The following TIMELESS variants were observed in gnomAD, a reference collection of about 807,000 sequenced individuals.
The protein encoded by TIMELESS is timeless circadian regulator.
Under a neutral mutation model 164.3 loss-of-function variants are expected in TIMELESS, and 124 were observed. The observed-to-expected ratio is 0.75, with a 90% CI of 0.65 to 0.88. The LOEUF is 0.88. Among genes scored for constraint, TIMELESS ranks in the 40% least tolerant of loss-of-function variants. The probability of loss-of-function intolerance (pLI) is 0.00; values close to 1 mark genes in which losing one functional copy is unlikely to be tolerated. For missense variants in TIMELESS, 1,422 were observed against 1,491.4 expected (o/e 0.95, Z 0.77); for synonymous variants, 564 against 563.4 (o/e 1.00, Z -0.02).
At chr12:56,441,109 C>T (rs985020426) in intron 1 of TIMELESS, among the ~76,000 whole-genome samples, 11 of 152,174 alleles carry the variant, frequency 7.2e-5, no homozygotes, top group Admixed American at 6.5e-5. Flanking sequence ...TGAGCCACTG[C>T]ACCCAGCCAA....
intron 9 of TIMELESS, 116 bp from the exon 10 acceptor site, chr12:56,430,397 G>C (rs1881837269): frequency 8.1e-7 from 1 of 1,232,624 alleles, no homozygotes. Context: ...ACAAGAACTT[G>C]CTCTGTCACC....
chr12:56,448,767 T>C (rs958341305), intron 1 of TIMELESS, among the ~76,000 whole-genome samples: 1 of 151,928 alleles, frequency 6.6e-6, no homozygotes, highest in African/African-American at 2.4e-5. Context: ...AAAGTACTAG[T>C]CGAAGCACGA....
chr12:56,439,167 CAAAAAAAAAA>C (rs57127557), intron 1 of TIMELESS, among the ~76,000 whole-genome samples: 2 of 85,630 alleles, frequency 2.3e-5, no homozygotes, highest in Non-Finnish European at 2.2e-5. Context: ...AACTCCTTCT[CAAAAAAAAAA>C]AAAAAAAAAA....
intron 12 of TIMELESS, 47 bp downstream of exon 12, chr12:56,428,502 T>C (rs1452917735): frequency 4.3e-6 from 7 of 1,610,282 alleles, no homozygotes; most frequent in African/African-American, 1.3e-5. Flanking sequence ...GAGATTCTCA[T>C]CACGAGATGG....
At chr12:56,418,109 C>A in intron 27 of TIMELESS, 25 bp downstream of exon 27, 3 of 1,613,600 alleles carry the variant, frequency 1.9e-6, no homozygotes, top group Non-Finnish European at 2.5e-6. Flanking sequence ...CGTTAATACT[C>A]AGAAGATGGC....
chr12:56,431,631 C>T (rs1204648644), intron 7 of TIMELESS, 27 bp from the exon 8 acceptor site: 3 of 1,602,700 alleles, frequency 1.9e-6, no homozygotes, highest in Non-Finnish European at 2.6e-6. Context: ...AGGGAAGAAT[C>T]AGGAGGACAG....
chr12:56,424,926 A>G lies in TIMELESS; in HGVS notation c.1717-13T>C, dbSNP rs1247089357. The G allele has an allele frequency of 6.2e-7, 1 of 1,614,214 alleles. No homozygotes were observed. Among genetic ancestry groups the G allele is most frequent in the South Asian group, 1.1e-5 (1 of 91,088 alleles). On this transcript the variant is annotated splice_polypyrimidine_tract_variant and intron_variant, in intron 14 of 28. Coordinates refer to ENST00000553532, the MANE Select transcript of TIMELESS (RefSeq NM_003920.5). The stretch of plus-strand genomic sequence containing the variant: ...TGAGCTCAGAATTCTAGAGATGGAT[A>G]AAGCTATGGGAGCGGAGGGAGTGGA...
rs142429793 is a variant in TIMELESS, at chr12:56,430,957, A to G, written c.833T>C (p.Phe278Ser). The G allele has an allele frequency of 3.8e-5, 60 of 1,580,666 alleles. No individual in the cohort carries two copies. Among genetic ancestry groups the G allele is most frequent in the African/African-American group, 6.9e-5 (5 of 72,378 alleles). ...ALQRGNRHSR[F>S]GGSYIVQGLK... Reference sequence around the variant, plus strand: ...CCCCTGGACAATATAGGAGCCCCCAAATCGAGAATGCCTGCAGAAACAAAA... The same window carrying G: ...CCCCTGGACAATATAGGAGCCCCCAGATCGAGAATGCCTGCAGAAACAAAA... The change falls in exon 9 of 29, where the codon TTT (phenylalanine) becomes TCT (serine). Residue 278 changes from phenylalanine (F) to serine (S), a missense_variant. Transcript: ENST00000553532.
At chr12:56,426,346 T>TAC (rs1468060332) in intron 13 of TIMELESS, among the ~76,000 whole-genome samples, 4 of 151,966 alleles carry the variant, frequency 2.6e-5, no homozygotes, top group Non-Finnish European at 5.9e-5. Flanking sequence ...AATTTTAAGC[T>TAC]GTAGCAACTA....
chr12:56,446,941 T>C (rs1868360633), intron 1 of TIMELESS, among the ~76,000 whole-genome samples: 1 of 152,062 alleles, frequency 6.6e-6, no homozygotes, highest in Admixed American at 6.6e-5. Context: ...ATTCATGTTG[T>C]ATATAATAGT....
At chr12:56,430,001 G>A (rs1035966097) in intron 10 of TIMELESS, 104 bp downstream of exon 10, 3 of 1,154,428 alleles carry the variant, frequency 2.6e-6, no homozygotes, top group Admixed American at 2.7e-5. Context: ...CACATTCCAG[G>A]GGCAGCCTCC....
At chr12:56,433,976 T>G in intron 2 of TIMELESS, 50 bp from the exon 3 acceptor site, 15 of 1,612,640 alleles carry the variant, frequency 9.3e-6, no homozygotes, top group Non-Finnish European at 1.3e-5. Flanking sequence ...AGAAGCTCCA[T>G]CCAGACCCAC....
intron 8 of TIMELESS, 102 bp downstream of exon 8, chr12:56,431,369 A>C (rs902993755): frequency 1.0e-5 from 14 of 1,407,022 alleles, no homozygotes; most frequent in East Asian, 7.1e-5. Context: ...AAAAAAAAAA[A>C]AAACACTAAA....
At chr12:56,441,755 C>A (rs570157838) in intron 1 of TIMELESS, among the ~76,000 whole-genome samples, 1 of 151,222 alleles carries the variant, frequency 6.6e-6, no homozygotes, top group Non-Finnish European at 1.5e-5. Flanking sequence ...AGATAGCGTG[C>A]AGGTGCAATG....
chr12:56,417,901 C>T lies in TIMELESS; in HGVS notation c.3556+6G>A, dbSNP rs1182684635. 12 of 1,614,052 alleles carry T rather than the reference C, an allele frequency of 7.4e-6. No individual in the cohort carries two copies. Among genetic ancestry groups the T allele is most frequent in the African/African-American group, 1.3e-5 (1 of 74,910 alleles). ...AAGAAAAAGAAGGTCCCATCAAATT[C>T]CCTACCTCTGTTCCTGCCCTCATCT... is the stretch of plus-strand genomic sequence containing the variant. On this transcript the variant is annotated splice_donor_region_variant and intron_variant, in intron 28 of 28. Coordinates refer to ENST00000553532, the MANE Select transcript of TIMELESS (RefSeq NM_003920.5).
At chr12:56,419,821 C>A (rs1425944059) in intron 26 of TIMELESS, among the ~76,000 whole-genome samples, 1 of 150,734 alleles carries the variant, frequency 6.6e-6, no homozygotes, top group Non-Finnish European at 1.5e-5. Flanking sequence ...GCCTGGGCAA[C>A]ATGGCATAAC....
chr12:56,431,644 A>G, intron 7 of TIMELESS, 40 bp from the exon 8 acceptor site: 1 of 1,599,494 alleles, frequency 6.3e-7, no homozygotes, highest in Non-Finnish European at 8.5e-7. Context: ...GAGGACAGTC[A>G]TTCCTTATCC....
intron 13 of TIMELESS, 108 bp from the exon 14 acceptor site, chr12:56,425,260 A>G (rs1258219985): frequency 3.1e-6 from 4 of 1,291,394 alleles, no homozygotes; most frequent in Non-Finnish European, 4.2e-6. Flanking sequence ...CAGAGTGCCC[A>G]TTATCTGCTA....
intron 1 of TIMELESS, 118 bp from the exon 2 acceptor site, chr12:56,434,349 T>C: frequency 3.3e-6 from 2 of 602,100 alleles, no homozygotes; most frequent in Admixed American, 5.9e-5. Flanking sequence ...GTTTGACTTT[T>C]GTCACAACCA....
Sources: allele counts gnomAD v4.1 joint callset (sites outside exome capture counted in the v4.1 genomes callset), GRCh38; gene constraint gnomAD v4.1.1; transcripts MANE v1.5; gene names NCBI Gene and HGNC (gene_info 2026-07-23, HGNC 2026-07-21).